CSMD1: variants seen among roughly 807,000 people sequenced by gnomAD.
The protein encoded by CSMD1 is CUB and sushi domain-containing protein 1.
Under a neutral mutation model 417.5 loss-of-function variants are expected in CSMD1, and 213 were observed. The observed-to-expected ratio is 0.51, with a 90% CI of 0.46 to 0.57. CSMD1 has a LOEUF of 0.57. CSMD1 is among the 20% of genes least tolerant of loss of function. The pLI is 0.00. For synonymous variants in CSMD1, 2,862 were observed against 1,736.8 expected, an observed-to-expected ratio of 1.65 and a Z score of -16.11; for missense variants, 6,923 against 4,529.7, an observed-to-expected ratio of 1.53 and a Z score of -15.17.
At chr8:4,069,861 C>T (rs931192647) in intron 3 of CSMD1, among the ~76,000 whole-genome samples, 7 of 151,878 alleles carry the variant, frequency 4.6e-5, no homozygotes, top group Non-Finnish European at 7.4e-5. Flanking sequence ...GTCTTCTATC[C>T]GGTACTGCAA....
intron 41 of CSMD1, among the ~76,000 whole-genome samples, chr8:3,139,228 G>A (rs1457519465): frequency 2.0e-5 from 3 of 152,202 alleles, no homozygotes; most frequent in African/African-American, 4.8e-5. Context: ...TATCAGCTGT[G>A]AATGGCCATC....
intron 7 of CSMD1, among the ~76,000 whole-genome samples, chr8:3,705,048 G>A (rs1049795337): frequency 6.6e-6 from 1 of 152,156 alleles, no homozygotes. Context: ...CCATGACAGG[G>A]TCCCACCAGG....
intron 3 of CSMD1, among the ~76,000 whole-genome samples, chr8:4,214,219 T>G (rs890003): frequency 6.6e-6 from 1 of 152,180 alleles, no homozygotes; most frequent in Non-Finnish European, 1.5e-5. Context: ...ATTAAATGAA[T>G]GGACTAAAAT....
At chr8:3,910,721 G>A (rs1048675665) in intron 5 of CSMD1, among the ~76,000 whole-genome samples, 9 of 152,090 alleles carry the variant, frequency 5.9e-5, no homozygotes, top group Non-Finnish European at 1.5e-5. Context: ...GACCATTAAG[G>A]ATATAAAAAC....
intron 3 of CSMD1, among the ~76,000 whole-genome samples, chr8:4,220,948 C>A (rs185636308): frequency 3.3e-5 from 5 of 152,144 alleles, no homozygotes; most frequent in Non-Finnish European, 5.9e-5. Flanking sequence ...TCACACCACA[C>A]GGTTGAGTGC....
At chr8:4,410,358 G>T (rs1437718281) in intron 3 of CSMD1, among the ~76,000 whole-genome samples, 2 of 152,108 alleles carry the variant, frequency 1.3e-5, no homozygotes, top group Non-Finnish European at 2.9e-5. Flanking sequence ...AAACTGCATG[G>T]AACCCACACC....
chr8:4,045,243 G>A (rs1361610728), intron 3 of CSMD1, among the ~76,000 whole-genome samples: 2 of 152,180 alleles, frequency 1.3e-5, no homozygotes, highest in East Asian at 3.9e-4. Context: ...ATGAGCTTAG[G>A]AGCAGAAGTG....
At chr8:4,262,234 A>C (rs906972717) in intron 3 of CSMD1, among the ~76,000 whole-genome samples, 2 of 152,130 alleles carry the variant, frequency 1.3e-5, no homozygotes, top group African/African-American at 2.4e-5. Flanking sequence ...TGGATCTGAG[A>C]GTGAAACTCC....
intron 50 of CSMD1, among the ~76,000 whole-genome samples, chr8:3,034,810 A>G (rs1394692888): frequency 6.6e-6 from 1 of 152,240 alleles, no homozygotes; most frequent in East Asian, 1.9e-4. Context: ...AGACTAGGGA[A>G]TAAGATAAAA....
At chr8:2,959,002 A>G (rs1453171955) in intron 62 of CSMD1, among the ~76,000 whole-genome samples, 2 of 152,256 alleles carry the variant, frequency 1.3e-5, no homozygotes, top group Non-Finnish European at 2.9e-5. Context: ...GAATTTATAA[A>G]GAAAAGTACA....
At chr8:4,416,844 A>G in intron 3 of CSMD1, among the ~76,000 whole-genome samples, 2 of 152,218 alleles carry the variant, frequency 1.3e-5, no homozygotes, top group Middle Eastern at 6.8e-3. Flanking sequence ...AGATTTTGAT[A>G]AAAGAAGAAA....
chr8:3,911,493 A>G (rs2688328), intron 5 of CSMD1, among the ~76,000 whole-genome samples: 2 of 150,016 alleles, frequency 1.3e-5, no homozygotes, highest in Non-Finnish European at 3.0e-5. Flanking sequence ...GCGCCACTGC[A>G]CTCCAGCCTG....
chr8:4,974,888 A>C (rs1315797643), intron 1 of CSMD1, among the ~76,000 whole-genome samples: 1 of 152,230 alleles, frequency 6.6e-6, no homozygotes, highest in African/African-American at 2.4e-5. Flanking sequence ...CTTTCACACA[A>C]AAAAACTATG....
intron 18 of CSMD1, among the ~76,000 whole-genome samples, chr8:3,381,062 C>A (rs888382528): frequency 6.6e-6 from 1 of 152,084 alleles, no homozygotes; most frequent in Non-Finnish European, 1.5e-5. Context: ...CAGGCAAAGT[C>A]TCTTGCTTGG....
At chr8:3,822,712 C>T (rs1356202798) in intron 5 of CSMD1, among the ~76,000 whole-genome samples, 1 of 152,108 alleles carries the variant, frequency 6.6e-6, no homozygotes, top group African/African-American at 2.4e-5. Context: ...GCAGGTGACA[C>T]CCTAAAGTCC....
At chr8:4,461,398 G>A (rs551217015) in intron 2 of CSMD1, among the ~76,000 whole-genome samples, 1 of 150,998 alleles carries the variant, frequency 6.6e-6, no homozygotes, top group Admixed American at 6.6e-5. Context: ...ATAAAGATAG[G>A]TAAAGAAGAT....
intron 3 of CSMD1, among the ~76,000 whole-genome samples, chr8:4,338,343 C>T (rs893676811): frequency 1.9e-4 from 29 of 152,040 alleles, no homozygotes; most frequent in African/African-American, 6.5e-4. Context: ...TGTTCCAGGG[C>T]TCTCTTAAGG....
intron 2 of CSMD1, among the ~76,000 whole-genome samples, chr8:4,502,690 T>C (rs1245903669): frequency 6.6e-6 from 1 of 152,208 alleles, no homozygotes; most frequent in South Asian, 2.1e-4. Context: ...CTTTTCTCTT[T>C]GACTTTAGTT....
intron 3 of CSMD1, among the ~76,000 whole-genome samples, chr8:4,313,890 T>G (rs1358284360): frequency 6.6e-6 from 1 of 152,024 alleles, no homozygotes; most frequent in African/African-American, 2.4e-5. Context: ...GGTGCACACC[T>G]GTAATCCCAG....
Sources: allele counts gnomAD v4.1 joint callset (sites outside exome capture counted in the v4.1 genomes callset), GRCh38; gene constraint gnomAD v4.1.1; transcripts MANE v1.5; gene names NCBI Gene and HGNC (gene_info 2026-07-23, HGNC 2026-07-21).